Variants in C1orf122 observed in about 807,000 individuals in gnomAD.
C1orf122 encodes chromosome 1 open reading frame 122, also known as uncharacterized protein C1orf122.
C1orf122 carries 12 observed loss-of-function variants against 12.9 expected under a neutral mutation model. That is an observed-to-expected ratio of 0.93 (90% confidence interval 0.60 to 1.51). The LOEUF (loss-of-function observed/expected upper bound fraction) is 1.51. Among genes scored for constraint, C1orf122 ranks in the 40% most tolerant of loss-of-function variants. C1orf122 has a pLI of 0.00. For synonymous variants in C1orf122, 57 were observed against 73.4 expected (o/e 0.78, Z 1.14); for missense variants, 144 against 162.1 (o/e 0.89, Z 0.61).
chr1:37,808,478 G>T (rs1172349482), intron 1 of C1orf122, 39 bp downstream of exon 1: 26 of 1,281,642 alleles, frequency 2.0e-5, no homozygotes, highest in Non-Finnish European at 2.2e-5. Context: ...AAGGGGCTTG[G>T]CCCCGCGCAA....
chr1:37,808,787 G>A lies in C1orf122; in HGVS notation c.237+55G>A, dbSNP rs1378588038. On this transcript the variant is annotated intron_variant, in intron 2 of 2. Coordinates refer to ENST00000373042, the MANE Select transcript of C1orf122 (RefSeq NM_198446.3). The stretch of plus-strand genomic sequence containing the variant: ...TGGGGTGGGGTCTGCCCACTGGCTA[G>A]GCTGGCCAAGCCCTAGCTTACCCTG... The A allele has an allele frequency of 1.2e-5, 17 of 1,467,662 alleles. No homozygotes were observed. The African/African-American group carries it at 1.3e-4, about 11-fold the overall frequency. 90.9% of individuals were successfully genotyped at this position (1,467,662 alleles called of 1,614,324 possible).
In C1orf122 at chr1:37,808,052, G is replaced by A. The variant is rs902782962; in HGVS notation, c.-353G>A. On this transcript the variant is annotated 5_prime_UTR_variant, in exon 1 of 3. Transcript: ENST00000373042. ...CCGGGAGCCGCAACAGCCGGGCGCC[G>A]GGGGCCGCCGGAGCGGGACTCGGCG... The A allele has an allele frequency of 1.4e-5, 19 of 1,316,440 alleles. No individual in the cohort carries two copies. The highest frequency in any genetic ancestry group is 1.7e-5 in the Non-Finnish European group (18 of 1,037,386). 81.5% of individuals were successfully genotyped at this position (1,316,440 alleles called of 1,614,324 possible).
rs1646757805 is a variant in C1orf122 at position 37,808,326 on chromosome 1, C to T, written c.-79C>T. On this transcript the variant is annotated 5_prime_UTR_variant, in exon 1 of 3. Transcript: ENST00000373042. ...AGACCGGTGGGGACGGGGCGGGGCG[C>T]AGCCTTGCGAAGCCCTAACGCAGCG... 2 of 1,278,898 alleles carry T rather than the reference C, an allele frequency of 1.6e-6. No homozygotes were observed. Among genetic ancestry groups the T allele is most frequent in the Non-Finnish European group, 9.9e-7 (1 of 1,013,500 alleles). 79.2% of individuals were successfully genotyped at this position (1,278,898 alleles called of 1,614,324 possible). A position where few individuals can be genotyped will look rare whatever the true frequency, so the allele number is the denominator to read the frequency against.
Position 37,808,699 on chromosome 1 carries a change from G to C in C1orf122, c.204G>C (p.Leu68=). The part of the protein sequence containing the change: ...IAACEEMLRQ[L]GRRRPEPAGG... ...CCTGCGAGGAGATGTTACGGCAGCT[G>C]GGCCGCCGGCGCCCGGAGCCGGCTG... The change falls in exon 2 of 3, where the codon CTG becomes CTC. Residue 68 remains leucine (L), a synonymous_variant. Transcript: ENST00000373042. The C allele has an allele frequency of 7.0e-7, 1 of 1,428,598 alleles. No homozygotes were observed. Among genetic ancestry groups the C allele is most frequent in the Non-Finnish European group, 9.1e-7 (1 of 1,103,754 alleles). 88.5% of individuals were successfully genotyped at this position (1,428,598 alleles called of 1,614,324 possible).
Position 37,808,567 on chromosome 1 carries a change from G to A in C1orf122, c.72G>A (p.Leu24=), listed in dbSNP as rs1169486321. 7.7e-7 allele frequency: 1 copy of A among 1,298,340 alleles called. No homozygotes were observed. Among genetic ancestry groups the A allele is most frequent in the Non-Finnish European group, 9.8e-7 (1 of 1,025,274 alleles). 80.4% of individuals were successfully genotyped at this position (1,298,340 alleles called of 1,614,324 possible). A position where few individuals can be genotyped will look rare whatever the true frequency, so the allele number is the denominator to read the frequency against. The change falls in exon 2 of 3, where the codon CTG becomes CTA. Residue 24 remains leucine (L), a synonymous_variant. Transcript: ENST00000373042. ...GCGTGGACCGCGGGAAGGCGGGGCT[G>A]GGGCTCGGCGGGAGGCCACCCCCAC... ...AAGVDRGKAG[L]GLGGRPPPQP...
chr1:37,809,058 A>G lies in C1orf122; in HGVS notation c.318A>G (p.Gly106=), dbSNP rs2148393487. ...RGGFPKDAGD[G]AAEP ...GCTTTCCAAAGGATGCTGGCGATGG[A>G]GCTGCGGAGCCCTGACCATCCCCGA... The change falls in exon 3 of 3, where the codon GGA becomes GGG. Residue 106 remains glycine (G), a synonymous_variant. Transcript: ENST00000373042. 1 of 1,613,964 alleles carries G rather than the reference A, an allele frequency of 6.2e-7. No homozygotes were observed. Among genetic ancestry groups the G allele is most frequent in the Non-Finnish European group, 8.5e-7 (1 of 1,180,006 alleles).
Position 37,809,091 on chromosome 1 carries a change from A to AC in C1orf122, c.*21dup, listed in dbSNP as rs771663411. The AC allele has an allele frequency of 6.2e-7, 1 of 1,612,888 alleles. No individual in the cohort carries two copies. Among genetic ancestry groups the AC allele is most frequent in the Non-Finnish European group, 8.5e-7 (1 of 1,179,298 alleles). On this transcript the variant is annotated 3_prime_UTR_variant, in exon 3 of 3. Coordinates refer to ENST00000373042, the MANE Select transcript of C1orf122 (RefSeq NM_198446.3). Reference sequence around the variant, plus strand: ...AGCCCTGACCATCCCCGAGCAGAATACCCTGACTTCTCTCCCTCCCCAGGG... The same window carrying AC: ...AGCCCTGACCATCCCCGAGCAGAATACCCCTGACTTCTCTCCCTCCCCAGGG...
At position 37,808,617 on chromosome 1, in the gene C1orf122, A is replaced by C; in HGVS notation, c.122A>C (p.Gln41Pro). The C allele has an allele frequency of 7.6e-7, 1 of 1,309,730 alleles. No individual in the cohort carries two copies. The highest frequency in any genetic ancestry group is 9.7e-7 in the Non-Finnish European group (1 of 1,031,368). The allele number at this position is 1,309,730 out of a possible 1,614,324, so 81.1% of individuals were successfully genotyped here. A position where few individuals can be genotyped will look rare whatever the true frequency, so the allele number is the denominator to read the frequency against. Reference protein sequence around the residue: ...PPQPPREERAQQLLDAVEQRQ... With the variant: ...PPQPPREERAPQLLDAVEQRQ... ...CAGCCGCCCCGGGAGGAGCGCGCCC[A>C]GCAGCTGCTGGACGCGGTGGAGCAG... Residue 41 changes from glutamine (Q) to proline (P), a missense_variant, in exon 2 of 3, where the codon CAG (glutamine) becomes CCG (proline). Transcript: ENST00000373042.
In C1orf122 at chr1:37,808,563, G is replaced by A. The variant is rs564727449; in HGVS notation, c.68G>A (p.Gly23Glu). Residue 23 changes from glycine (G) to glutamate (E), a missense_variant, in exon 2 of 3, where the codon GGG becomes GAG. Gly to Glu is a moderately conservative substitution (Grantham distance 98). Coordinates refer to ENST00000373042, the MANE Select transcript of C1orf122 (RefSeq NM_198446.3). Reference protein sequence around the residue: ...EAAGVDRGKAGLGLGGRPPPQ... With the variant: ...EAAGVDRGKAELGLGGRPPPQ... ...GCCGGCGTGGACCGCGGGAAGGCGG[G>A]GCTGGGGCTCGGCGGGAGGCCACCC... The A allele has an allele frequency of 1.0e-5, 13 of 1,300,966 alleles. No individual in the cohort carries two copies. The South Asian group carries it at 2.5e-4, about 25-fold the overall frequency. 80.6% of individuals were successfully genotyped at this position (1,300,966 alleles called of 1,614,324 possible).
chr1:37,808,672 AGCCTGCGAG>A lies in C1orf122; in HGVS notation c.179_187del (p.Ala60_Glu62del). The A allele has an allele frequency of 7.1e-7, 1 of 1,411,010 alleles. No homozygotes were observed. Among genetic ancestry groups the A allele is most frequent in the South Asian group, 1.6e-5 (1 of 63,582 alleles). 87.4% of individuals were successfully genotyped at this position (1,411,010 alleles called of 1,614,324 possible). A position where few individuals can be genotyped will look rare whatever the true frequency, so the allele number is the denominator to read the frequency against. On this transcript the variant is annotated inframe_deletion, in exon 2 of 3. Transcript: ENST00000373042. ...AGCGGCAGCTCCTGGACACCATCGC[AGCCTGCGAG>A]GAGATGTTACGGCAGCTGGGCCGCC...
Position 37,808,190 on chromosome 1 carries a change from C to A in C1orf122, c.-215C>A, listed in dbSNP as rs1357928053. ...GACGCGCCGGAGACATCCGCCCAGGCCCGCTTCCGGGAGGAAGTGACGCTC... is the reference window on the plus strand; with the variant it reads ...GACGCGCCGGAGACATCCGCCCAGGACCGCTTCCGGGAGGAAGTGACGCTC... On this transcript the variant is annotated 5_prime_UTR_variant, in exon 1 of 3. Coordinates refer to ENST00000373042, the MANE Select transcript of C1orf122 (RefSeq NM_198446.3). 5 of 1,431,264 alleles carry A rather than the reference C, an allele frequency of 3.5e-6. No individual in the cohort carries two copies. In the East Asian group the frequency reaches 1.2e-4, roughly 35 times the overall value. 88.7% of individuals were successfully genotyped at this position (1,431,264 alleles called of 1,614,324 possible). A position where few individuals can be genotyped will look rare whatever the true frequency, so the allele number is the denominator to read the frequency against.
In C1orf122 at chr1:37,809,121, T is replaced by G. The variant is rs768252540; in HGVS notation, c.*48T>G. On this transcript the variant is annotated 3_prime_UTR_variant, in exon 3 of 3. Coordinates refer to ENST00000373042, the MANE Select transcript of C1orf122 (RefSeq NM_198446.3). ...GACTTCTCTCCCTCCCCAGGGCCGG[T>G]GGCTGGACTCTGAACAACTCCCTTC... The G allele has an allele frequency of 7.5e-6, 12 of 1,596,658 alleles. No homozygotes were observed. The South Asian group carries it at 1.1e-4, about 15-fold the overall frequency.
rs1422723497 is a variant in C1orf122, at chr1:37,808,621, G to A, written c.126G>A (p.Gln42=). The A allele has an allele frequency of 1.3e-5, 17 of 1,312,940 alleles. No individual in the cohort carries two copies. Among genetic ancestry groups the A allele is most frequent in the Admixed American group, 4.1e-5 (1 of 24,362 alleles). 81.3% of individuals were successfully genotyped at this position (1,312,940 alleles called of 1,614,324 possible). ...CGCCCCGGGAGGAGCGCGCCCAGCA[G>A]CTGCTGGACGCGGTGGAGCAGCGGC... ...PQPPREERAQ[Q]LLDAVEQRQR... Residue 42 remains glutamine (Q), a synonymous_variant, in exon 2 of 3, where the codon CAG becomes CAA. Transcript: ENST00000373042.
At position 37,808,144 on chromosome 1, in the gene C1orf122, C is replaced by T. The variant is rs1208449117; in HGVS notation, c.-261C>T. The T allele has an allele frequency of 2.7e-6, 4 of 1,472,280 alleles. No homozygotes were observed. Among genetic ancestry groups the T allele is most frequent in the Non-Finnish European group, 1.8e-6 (2 of 1,118,860 alleles). The allele number at this position is 1,472,280 out of a possible 1,614,324, so 91.2% of individuals were successfully genotyped here. A position where few individuals can be genotyped will look rare whatever the true frequency, so the allele number is the denominator to read the frequency against. ...CTCAACCCCACGCTGGCAGCCACCG[C>T]GGCCCTCATCCCCCTGCACCGACGC... On this transcript the variant is annotated 5_prime_UTR_variant, in exon 1 of 3. Coordinates refer to ENST00000373042, the MANE Select transcript of C1orf122 (RefSeq NM_198446.3).
At position 37,808,538 on chromosome 1, in the gene C1orf122, G is replaced by A. The variant is rs1646760865; in HGVS notation, c.43G>A (p.Ala15Thr). The change falls in exon 2 of 3, where the codon GCC becomes ACC. Residue 15 changes from alanine to threonine, a missense_variant. Coordinates refer to ENST00000373042, the MANE Select transcript of C1orf122 (RefSeq NM_198446.3). ...TCGCTCTCTCCCGGGCAGGGAGGCT[G>A]CCGGCGTGGACCGCGGGAAGGCGGG... ...PGSDWSRGEA[A>T]GVDRGKAGLG... is the part of the protein sequence containing the mutation. 2 of 1,301,352 alleles carry A rather than the reference G, an allele frequency of 1.5e-6. No homozygotes were observed. The highest frequency in any genetic ancestry group is 1.9e-6 in the Non-Finnish European group (2 of 1,027,224). The allele number at this position is 1,301,352 out of a possible 1,614,324, so 80.6% of individuals were successfully genotyped here. A position where few individuals can be genotyped will look rare whatever the true frequency, so the allele number is the denominator to read the frequency against.
At chr1:37,808,773 C>G in intron 2 of C1orf122, 41 bp downstream of exon 2, 1 of 1,458,220 alleles carries the variant, frequency 6.9e-7, no homozygotes, top group Non-Finnish European at 9.0e-7. Flanking sequence ...GGGGTGGGGT[C>G]TGCCCACTGG....
chr1:37,809,023 G>T lies in C1orf122; in HGVS notation c.283G>T (p.Ala95Ser), dbSNP rs1269676429. Residue 95 changes from alanine to serine, a missense_variant, in exon 3 of 3, where the codon GCC becomes TCC. By Grantham distance (99) the Ala-to-Ser change is moderately conservative. Coordinates refer to ENST00000373042, the MANE Select transcript of C1orf122 (RefSeq NM_198446.3). ...AGCGCCCCCCCAGCCGGCTGTCTCC[G>T]CCAGAGGCGGCTTTCCAAAGGATGC... ...PGAPPQPAVSARGGFPKDAGD... is the reference protein window; with the variant it reads ...PGAPPQPAVSSRGGFPKDAGD... 1 of 1,613,700 alleles carries T rather than the reference G, an allele frequency of 6.2e-7. No individual in the cohort carries two copies. The highest frequency in any genetic ancestry group is 8.5e-7 in the Non-Finnish European group (1 of 1,180,036).
Position 37,808,165 on chromosome 1 carries a change from G to C in C1orf122, c.-240G>C, listed in dbSNP as rs538389239. 2.7e-6 allele frequency: 4 copies of C among 1,458,046 alleles called. No individual in the cohort carries two copies. Among genetic ancestry groups the C allele is most frequent in the Admixed American group, 4.9e-5 (2 of 40,574 alleles). 90.3% of individuals were successfully genotyped at this position (1,458,046 alleles called of 1,614,324 possible). A position where few individuals can be genotyped will look rare whatever the true frequency, so the allele number is the denominator to read the frequency against. ...ACCGCGGCCCTCATCCCCCTGCACC[G>C]ACGCGCCGGAGACATCCGCCCAGGC... On this transcript the variant is annotated 5_prime_UTR_variant, in exon 1 of 3. Transcript: ENST00000373042.
chr1:37,808,208 T>C lies in C1orf122; in HGVS notation c.-197T>C. Reference sequence around the variant, plus strand: ...GCCCAGGCCCGCTTCCGGGAGGAAGTGACGCTCCCAGCCAGCTTCCGGTCC... The same window carrying C: ...GCCCAGGCCCGCTTCCGGGAGGAAGCGACGCTCCCAGCCAGCTTCCGGTCC... On this transcript the variant is annotated 5_prime_UTR_variant, in exon 1 of 3. Coordinates refer to ENST00000373042, the MANE Select transcript of C1orf122 (RefSeq NM_198446.3). The C allele has an allele frequency of 7.1e-7, 1 of 1,414,050 alleles. No individual in the cohort carries two copies. Among genetic ancestry groups the C allele is most frequent in the Non-Finnish European group, 9.2e-7 (1 of 1,088,466 alleles). The allele number at this position is 1,414,050 out of a possible 1,614,324, so 87.6% of individuals were successfully genotyped here. A position where few individuals can be genotyped will look rare whatever the true frequency, so the allele number is the denominator to read the frequency against.
Sources: allele counts gnomAD v4.1 joint callset, GRCh38; gene constraint gnomAD v4.1.1; transcripts MANE v1.5; gene names NCBI Gene and HGNC (gene_info 2026-07-23, HGNC 2026-07-21).